SNED1: variants seen among roughly 807,000 people sequenced by gnomAD.
The protein encoded by SNED1 is sushi, nidogen and EGF-like domain-containing protein 1.
A neutral mutation model predicts 166.7 loss-of-function variants in SNED1; 81 were observed. The observed-to-expected ratio is 0.49, with a 90% confidence interval of 0.41 to 0.58. The LOEUF (loss-of-function observed/expected upper bound fraction) is 0.58. Among genes scored for constraint, SNED1 ranks in the 20% least tolerant of loss-of-function variants. The pLI is 0.00. For synonymous variants in SNED1, 762 were observed against 822.0 expected (o/e 0.93, Z 1.25); for missense variants, 1,604 against 2,000.2 (o/e 0.80, Z 3.78).
At chr2:241,036,558 C>T (rs1371737414) in intron 4 of SNED1, among the ~76,000 whole-genome samples, 2 of 152,108 alleles carry the variant, frequency 1.3e-5, no homozygotes, top group Non-Finnish European at 2.9e-5. Context: ...GGAGTCCGCC[C>T]CACACGAAGC....
In SNED1 at chr2:241,066,081, C is replaced by T. The variant is rs571381197; in HGVS notation, c.3010+486C>T. Among the ~76,000 whole-genome samples, 7 of 152,222 alleles carry T rather than the reference C, an allele frequency of 4.6e-5. 1 individual carries two copies. The highest frequency in any genetic ancestry group is 3.4e-3 in the Middle Eastern group (1 of 294). On this transcript the variant is annotated intron_variant, in intron 21 of 31. Transcript: ENST00000310397. ...CATCGGTGGCTCAATCGGGAAGAGCCGTGGGGCAGGCCCTAGATGGAATGA... is the reference window on the plus strand; with the variant it reads ...CATCGGTGGCTCAATCGGGAAGAGCTGTGGGGCAGGCCCTAGATGGAATGA...
chr2:241,012,432 G>A (rs188770381), intron 1 of SNED1, among the ~76,000 whole-genome samples: 5 of 152,330 alleles, frequency 3.3e-5, no homozygotes, highest in East Asian at 3.9e-4. Flanking sequence ...CAGCCCCTCC[G>A]GCCTGTGAAA....
chr2:241,052,940 G>C (rs1014643243), intron 15 of SNED1, among the ~76,000 whole-genome samples: 6 of 152,148 alleles, frequency 3.9e-5, no homozygotes, highest in African/African-American at 1.4e-4. Context: ...GGGATTTCTT[G>C]CTAATCCCTG....
At chr2:241,077,559 G>A (rs1313484207) in intron 27 of SNED1, among the ~76,000 whole-genome samples, 2 of 151,882 alleles carry the variant, frequency 1.3e-5, no homozygotes, top group Non-Finnish European at 1.5e-5. Flanking sequence ...TCTGACAACT[G>A]AACAATAAAA....
chr2:241,037,211 C>A, intron 5 of SNED1, 29 bp from the exon 6 acceptor site: 10 of 1,556,778 alleles, frequency 6.4e-6, no homozygotes, highest in Non-Finnish European at 8.8e-6. Flanking sequence ...GTTCCCGCCG[C>A]TGAGGCCTCA....
intron 1 of SNED1, among the ~76,000 whole-genome samples, chr2:241,023,877 CTTTTTTTTTCCTT>C (rs1488551658): frequency 8.4e-5 from 9 of 107,210 alleles, no homozygotes; most frequent in African/African-American, 2.7e-4. Context: ...CTCTTTTTTT[CTTTTTTTTTCCTT>C]TTTTTTTTTT....
Position 241,065,334 on chromosome 2 carries a change from G to T in SNED1, c.2749G>T (p.Val917Leu). 1 of 1,612,990 alleles carries T rather than the reference G, an allele frequency of 6.2e-7. No individual in the cohort carries two copies. Residue 917 changes from valine to leucine, a missense_variant, in exon 21 of 32, where the codon GTG becomes TTG. Physicochemically the swap from Val to Leu is conservative, Grantham distance 32 (BLOSUM62 1). This residue lies in a region of SNED1 where 1,237 missense variants were observed against 1,620.8 expected (regional missense o/e 0.76). Transcript: ENST00000310397. ...FPPTALKMER[V>L]EESGVSISWN... is the part of the protein sequence containing the mutation. ...ACCGACGGCCCTCAAGATGGAGAGAGTGGAGGAGAGTGGGGTCTCTATCTC... is the reference window on the plus strand; with the variant it reads ...ACCGACGGCCCTCAAGATGGAGAGATTGGAGGAGAGTGGGGTCTCTATCTC...
At position 241,073,333 on chromosome 2, in the gene SNED1, G is replaced by C. The variant is rs1324395787; in HGVS notation, c.3885G>C (p.Gln1295His). The change falls in exon 27 of 32, where the codon CAG (glutamine) becomes CAC (histidine). Residue 1295 changes from glutamine to histidine, a missense_variant. Physicochemically the swap from Gln to His is conservative, Grantham distance 24. This residue lies in a region of SNED1 where 367 missense variants were observed against 379.4 expected (regional missense o/e 0.97). Transcript: ENST00000310397. This position sits in a 1 kb window ranked among gnomAD's most constrained non-coding sequence, Gnocchi z 6.6. ...CCAAGCGGGTCAGCCTGGCCCTCCA[G>C]CTCCCTGAACACGGCAGCAAGGACA... ...EAPKRVSLALQLPEHGSKDIG... is the reference protein window; with the variant it reads ...EAPKRVSLALHLPEHGSKDIG... The C allele has an allele frequency of 6.4e-7, 1 of 1,574,112 alleles. No homozygotes were observed. The highest frequency in any genetic ancestry group is 1.2e-5 in the South Asian group (1 of 85,372).
intron 1 of SNED1, among the ~76,000 whole-genome samples, chr2:241,025,787 G>T (rs1205690072): frequency 6.6e-6 from 1 of 152,048 alleles, no homozygotes; most frequent in Non-Finnish European, 1.5e-5. Flanking sequence ...TTGAAAATAT[G>T]ATTCCACTGT....
Position 241,040,142 on chromosome 2 carries a change from G to T in SNED1, c.1113G>T (p.Ala371=). Residue 371 remains alanine, a synonymous_variant, in exon 7 of 32, where the codon GCG becomes GCT. Coordinates refer to ENST00000310397, the MANE Select transcript of SNED1 (RefSeq NM_001080437.3). ...GGQCQVENGS[A]VCVCQAGYTG... ...AGTGCCAGGTGGAGAATGGCTCTGC[G>T]GTGTGTGTGTGCCAGGCCGGATACA... 6.3e-7 allele frequency: 1 copy of T among 1,598,848 alleles called. No individual in the cohort carries two copies. The highest frequency in any genetic ancestry group is 2.3e-5 in the East Asian group (1 of 44,352).
intron 27 of SNED1, chr2:241,074,833 G>A (rs536746869): frequency 6.6e-6 from 1 of 152,236 alleles, no homozygotes; most frequent in Admixed American, 6.5e-5. Context: ...GGATGTGAAC[G>A]ATACCTTCTA....
chr2:241,049,999 T>G (rs768006456), intron 12 of SNED1, 66 bp downstream of exon 12: 16 of 1,130,168 alleles, frequency 1.4e-5, no homozygotes, highest in Middle Eastern at 3.9e-4. Context: ...TCCGCCGTCC[T>G]GCTTCTCTGC....
intron 1 of SNED1, among the ~76,000 whole-genome samples, chr2:241,011,513 C>T (rs1295380053): frequency 2.0e-5 from 3 of 152,226 alleles, no homozygotes; most frequent in East Asian, 1.9e-4. Flanking sequence ...TGTTCCTCTA[C>T]GAGTGCTCAG....
In SNED1 at chr2:241,040,388, C is replaced by T. The variant is rs759855698; in HGVS notation, c.1248C>T (p.Pro416=). Residue 416 remains proline (P), a synonymous_variant, in exon 8 of 32, where the codon CCC becomes CCT. Transcript: ENST00000310397. ...VGNYTCLCAE[P]FKGLRCETGD... is the part of the protein sequence containing the mutation. Reference sequence around the variant, plus strand: ...ATTACACCTGCTTGTGTGCCGAGCCCTTCAAGGGACTTCGCTGTGAGACAG... The same window carrying T: ...ATTACACCTGCTTGTGTGCCGAGCCTTTCAAGGGACTTCGCTGTGAGACAG... 9 of 1,600,092 alleles carry T rather than the reference C, an allele frequency of 5.6e-6. No individual in the cohort carries two copies. Among genetic ancestry groups the T allele is most frequent in the Non-Finnish European group, 6.8e-6 (8 of 1,173,128 alleles).
At position 241,068,002 on chromosome 2, in the gene SNED1, G is replaced by T; in HGVS notation, c.3194+55G>T. The T allele has an allele frequency of 1.3e-6, 2 of 1,489,538 alleles. No individual in the cohort carries two copies. Among genetic ancestry groups the T allele is most frequent in the Non-Finnish European group, 9.2e-7 (1 of 1,086,120 alleles). The allele number at this position is 1,489,538 out of a possible 1,614,324, so 92.3% of individuals were successfully genotyped here. A position where few individuals can be genotyped will look rare whatever the true frequency, so the allele number is the denominator to read the frequency against. Reference sequence around the variant, plus strand: ...GGGGTGAAGGCAGGGGTGGGGGCTCGGGGACACGGGGCCCAGGTCTCGGGC... The same window carrying T: ...GGGGTGAAGGCAGGGGTGGGGGCTCTGGGACACGGGGCCCAGGTCTCGGGC... On this transcript the variant is annotated intron_variant, in intron 22 of 31. Coordinates refer to ENST00000310397, the MANE Select transcript of SNED1 (RefSeq NM_001080437.3). This position sits in a 1 kb window ranked among gnomAD's most constrained non-coding sequence, Gnocchi z 5.3.
intron 24 of SNED1, among the ~76,000 whole-genome samples, chr2:241,070,499 C>G (rs577347879): frequency 6.6e-6 from 1 of 152,226 alleles, no homozygotes; most frequent in Non-Finnish European, 1.5e-5. Flanking sequence ...AAAACGGGTG[C>G]CGAGGGTGGC....
intron 4 of SNED1, chr2:241,035,466 A>C (rs1425867713): frequency 6.6e-6 from 1 of 152,244 alleles, no homozygotes; most frequent in Non-Finnish European, 1.5e-5. Flanking sequence ...AGGAGCCTTC[A>C]GAAATCACTG....
chr2:241,036,724 G>C, intron 4 of SNED1, 66 bp from the exon 5 acceptor site: 1 of 1,588,058 alleles, frequency 6.3e-7, no homozygotes. Flanking sequence ...AGATGCGGAT[G>C]GGAGTGGCTC....
chr2:241,072,882 A>C, intron 26 of SNED1: 1 of 272,222 alleles, frequency 3.7e-6, no homozygotes. Context: ...AGGGCAGCTC[A>C]GAAAGAGCAG....
Sources: allele counts gnomAD v4.1 joint callset (sites outside exome capture counted in the v4.1 genomes callset), GRCh38; gene constraint gnomAD v4.1.1; regional missense constraint gnomAD v4.1.1; non-coding constraint Gnocchi (gnomAD v3.1); transcripts MANE v1.5; gene names NCBI Gene and HGNC (gene_info 2026-07-23, HGNC 2026-07-21).